SP100: variants seen among roughly 807,000 people sequenced by gnomAD.
SP100 encodes nuclear autoantigen Sp-100.
In SP100, 84 loss-of-function variants were observed where a neutral mutation model predicts 130.0. The ratio of observed to expected loss-of-function variants is 0.65; its 90% CI spans 0.54 to 0.77. The LOEUF is 0.77. Among genes scored for constraint, SP100 ranks in the 30% least tolerant of loss-of-function variants. SP100 has a pLI of 0.00. For synonymous variants in SP100, 331 were observed against 351.7 expected (o/e 0.94, Z 0.66); for missense variants, 978 against 1,052.2 (o/e 0.93, Z 0.97).
At chr2:230,469,501 T>C (rs1051579) in intron 14 of SP100, 124,646 of 460,016 alleles carry the variant, frequency 0.27, 19,155 homozygotes, top group Middle Eastern at 0.35. Flanking sequence ...GAAACAACGT[T>C]GTCCTAGGAT....
rs1309644943 is a variant in SP100 at position 230,535,928 on chromosome 2, A to G, written c.2095-3339A>G. Among the ~76,000 whole-genome samples the G allele has an allele frequency of 9.9e-5, 15 of 151,422 alleles. No individual in the cohort carries two copies. In the East Asian group the frequency reaches 2.9e-3, roughly 30 times the overall value. On this transcript the variant is annotated intron_variant, in intron 24 of 28. Coordinates refer to ENST00000340126, the MANE Select transcript of SP100 (RefSeq NM_001080391.2). ...TCTCAAAAAAAAAAAAAAAAAAAAA[A>G]AAAAAAAGAATATGTTTTCTTTTAT...
intron 2 of SP100, among the ~76,000 whole-genome samples, chr2:230,427,931 C>T (rs2062984367): frequency 6.6e-6 from 1 of 152,164 alleles, no homozygotes; most frequent in Non-Finnish European, 1.5e-5. Flanking sequence ...TCTCACACTG[C>T]TCTAAAGAAC....
At chr2:230,469,918 C>T in intron 14 of SP100, 97 bp from the exon 15 acceptor site, 1 of 1,510,502 alleles carries the variant, frequency 6.6e-7, no homozygotes, top group Non-Finnish European at 8.9e-7. Context: ...CCCCCTCCTC[C>T]ACAAGCTTCT....
chr2:230,509,730 A>T (rs954544781), intron 23 of SP100: 1 of 152,198 alleles, frequency 6.6e-6, no homozygotes, highest in African/African-American at 2.4e-5. Context: ...TTTCCTGCTT[A>T]TAAGTTTTTT....
chr2:230,524,697 G>T (rs1691344936), intron 24 of SP100, among the ~76,000 whole-genome samples: 1 of 152,158 alleles, frequency 6.6e-6, no homozygotes, highest in South Asian at 2.1e-4. Flanking sequence ...ATGCTCATTG[G>T]TTGTCTGGTA....
intron 24 of SP100, chr2:230,516,063 T>C (rs1690901653): frequency 1.0e-6 from 1 of 991,218 alleles, no homozygotes; most frequent in Non-Finnish European, 1.2e-6. Context: ...ACATTCTGAA[T>C]GCTTCTAAGT....
chr2:230,513,304 C>CT (rs1357792337), intron 24 of SP100, among the ~76,000 whole-genome samples: 2 of 152,262 alleles, frequency 1.3e-5, no homozygotes, highest in African/African-American at 2.4e-5. Context: ...CAGTAAAACT[C>CT]TAAGATCCAG....
At position 230,464,892 on chromosome 2, in the gene SP100, G is replaced by T. The variant is rs2064858229; in HGVS notation, c.1141+742G>T. ...TAGGTGGCTTGAGCTCAGGAGTTGA[G>T]ATCAGCCTGGACAACATGGAGAAAC... On this transcript the variant is annotated intron_variant, in intron 11 of 28. Transcript: ENST00000340126. Among the ~76,000 whole-genome samples, 2 of 152,170 alleles carry T rather than the reference G, an allele frequency of 1.3e-5. 1 individual carries two copies. The highest frequency in any genetic ancestry group is 4.1e-4 in the South Asian group (2 of 4,824).
rs1326721792 is a variant in SP100, at chr2:230,473,335, C to T, written c.1441C>T (p.Gln481Ter). 1 of 1,612,184 alleles carries T rather than the reference C, an allele frequency of 6.2e-7. No homozygotes were observed. Among genetic ancestry groups the T allele is most frequent in the Non-Finnish European group, 8.5e-7 (1 of 1,178,610 alleles). ...SLRRGSGSQP[Q>*]EPENKKCSCV... ...AAATCACAATTTAGGATCACAGCCACAAGAACCTGAAAATAAGAAGTGCTC... is the reference window on the plus strand; with the variant it reads ...AAATCACAATTTAGGATCACAGCCATAAGAACCTGAAAATAAGAAGTGCTC... The change falls in exon 16 of 29, where the codon CAA becomes TAA. Residue 481 changes from glutamine to a stop codon, truncating the protein, a stop_gained. Coordinates refer to ENST00000340126, the MANE Select transcript of SP100 (RefSeq NM_001080391.2). LOFTEE classifies it high-confidence loss of function.
chr2:230,416,926 C>G, intron 1 of SP100: 1 of 981,396 alleles, frequency 1.0e-6, no homozygotes, highest in Non-Finnish European at 1.2e-6. Flanking sequence ...AATTTCCTGT[C>G]CCAAGATGGG....
intron 23 of SP100, chr2:230,508,836 A>G (rs1379210113): frequency 6.6e-6 from 1 of 152,028 alleles, no homozygotes; most frequent in Admixed American, 6.6e-5. Flanking sequence ...ATTCCCCCTA[A>G]AATGTATATA....
In SP100 at chr2:230,488,659, C is replaced by T. The variant is rs527371907; in HGVS notation, c.1601-5757C>T. 2.3e-4 allele frequency among the ~76,000 whole-genome samples: 35 copies of T among 152,324 alleles called. No homozygotes were observed. In the East Asian group the frequency reaches 2.5e-3, roughly 11 times the overall value. The stretch of plus-strand genomic sequence containing the variant: ...CAATCTCCTGACCTCATGATCCAAC[C>T]GCCTCGGCCTCCCAAAGTCCTGGGA... On this transcript the variant is annotated intron_variant, in intron 17 of 28. Transcript: ENST00000340126.
At chr2:230,438,959 A>G (rs563880367) in intron 2 of SP100, among the ~76,000 whole-genome samples, 11 of 152,316 alleles carry the variant, frequency 7.2e-5, no homozygotes, top group African/African-American at 2.4e-4. Flanking sequence ...AATAGTTTAC[A>G]TTCCCACCAG....
chr2:230,454,866 T>G (rs1449504486), intron 8 of SP100, among the ~76,000 whole-genome samples: 2 of 152,188 alleles, frequency 1.3e-5, no homozygotes, highest in Admixed American at 1.3e-4. Flanking sequence ...ATCTGTCCAC[T>G]GCTGAAGGTA....
intron 8 of SP100, among the ~76,000 whole-genome samples, chr2:230,451,563 GT>G (rs1237662005): frequency 6.6e-6 from 1 of 152,180 alleles, no homozygotes; most frequent in East Asian, 1.9e-4. Context: ...CAGACACATG[GT>G]TTGCAAATAT....
intron 24 of SP100, among the ~76,000 whole-genome samples, chr2:230,517,054 T>TA (rs1690952818): frequency 6.6e-6 from 1 of 152,168 alleles, no homozygotes; most frequent in African/African-American, 2.4e-5. Flanking sequence ...AACATACTCA[T>TA]AAGTGTAACT....
chr2:230,436,450 A>G (rs957025512), intron 2 of SP100, among the ~76,000 whole-genome samples: 2 of 129,192 alleles, frequency 1.5e-5, no homozygotes, highest in Non-Finnish European at 1.8e-5. Flanking sequence ...TTCTCATGAT[A>G]ATGAGTGAGT....
intron 17 of SP100, among the ~76,000 whole-genome samples, chr2:230,487,798 T>C (rs1227852834): frequency 6.6e-6 from 1 of 152,262 alleles, no homozygotes; most frequent in Non-Finnish European, 1.5e-5. Context: ...TTCATGATAT[T>C]GATTCTTCCT....
chr2:230,514,609 T>C (rs1257927020), intron 24 of SP100, among the ~76,000 whole-genome samples: 3 of 152,218 alleles, frequency 2.0e-5, no homozygotes, highest in Non-Finnish European at 4.4e-5. Flanking sequence ...GCCAATTTTA[T>C]TTGCAATATA....
Sources: gnomAD v4.1 joint callset for allele counts (sites outside exome capture counted in the v4.1 genomes callset) on GRCh38, gnomAD v4.1.1 for gene constraint, MANE v1.5 for transcripts, NCBI Gene and HGNC (gene_info 2026-07-23, HGNC 2026-07-21) for gene names.